SOS2: variants seen among roughly 807,000 people sequenced by gnomAD.
SOS2 encodes SOS Ras/Rho guanine nucleotide exchange factor 2, also known as son of sevenless homolog 2.
Under a neutral mutation model 148.2 loss-of-function variants are expected in SOS2, and 65 were observed. The ratio of observed to expected loss-of-function variants is 0.44; its 90% CI spans 0.36 to 0.54. The LOEUF is 0.54. Ranked by LOEUF, SOS2 falls within the 20% of genes least tolerant of loss-of-function variation. The probability of loss-of-function intolerance (pLI) is 0.00; values close to 1 mark genes in which losing one functional copy is unlikely to be tolerated. For synonymous variants in SOS2, 539 were observed against 537.1 expected, an observed-to-expected ratio of 1.00 and a Z score of -0.05; for missense variants, 1,341 against 1,590.2, an observed-to-expected ratio of 0.84 and a Z score of 2.67.
chr14:50,135,278 T>C (rs1884039027), intron 18 of SOS2, among the ~76,000 whole-genome samples: 1 of 151,736 alleles, frequency 6.6e-6, no homozygotes, highest in African/African-American at 2.4e-5. Flanking sequence ...CAGGGCAATA[T>C]GGTGAGACCT....
intron 8 of SOS2, among the ~76,000 whole-genome samples, chr14:50,168,306 C>T (rs906035980): frequency 6.6e-5 from 10 of 152,150 alleles, no homozygotes; most frequent in Non-Finnish European, 1.2e-4. Context: ...ATTACAGCCT[C>T]TAATTCCTGG....
At position 50,183,572 on chromosome 14, in the gene SOS2, T is replaced by C. The variant is rs551755814; in HGVS notation, c.715-966A>G. ...TAGTTTTTTTAAATCTAAAACCTCC[T>C]ACTGTGGATGATTCTAAGCTACTTT... On this transcript the variant is annotated intron_variant, in intron 5 of 22. Transcript: ENST00000216373. 1.1e-4 allele frequency among the ~76,000 whole-genome samples: 16 copies of C among 152,252 alleles called. No individual in the cohort carries two copies. In the South Asian group the frequency reaches 2.7e-3, roughly 26 times the overall value.
At position 50,231,181 on chromosome 14, in the gene SOS2, C is replaced by G; in HGVS notation, c.87+16G>C. The G allele has an allele frequency of 7.2e-7, 1 of 1,392,708 alleles. No homozygotes were observed. The highest frequency in any genetic ancestry group is 2.3e-5 in the Admixed American group (1 of 44,430). 86.3% of individuals were successfully genotyped at this position (1,392,708 alleles called of 1,614,324 possible). ...GCCACGGGCCACCCGCCGGCCGCCCCGCCCCTAGCACTGACCTTCCGCAGG... is the reference window on the plus strand; with the variant it reads ...GCCACGGGCCACCCGCCGGCCGCCCGGCCCCTAGCACTGACCTTCCGCAGG... On this transcript the variant is annotated intron_variant, in intron 1 of 22. Transcript: ENST00000216373.
intron 19 of SOS2, 147 bp downstream of exon 19, chr14:50,133,976 C>CT: frequency 7.9e-6 from 5 of 632,128 alleles, no homozygotes; most frequent in Non-Finnish European, 1.4e-5. Flanking sequence ...GACATTTCCC[C>CT]CCCCAGTTTT....
chr14:50,220,405 C>CAAAAAAAAAAAAA (rs367829144), intron 1 of SOS2, among the ~76,000 whole-genome samples: 6,523 of 29,932 alleles, frequency 0.22, 2,231 homozygotes, highest in Admixed American at 0.28. Context: ...GACTCCATCT[C>CAAAAAAAAAAAAA]AAAAAAAAAA....
intron 1 of SOS2, among the ~76,000 whole-genome samples, chr14:50,224,480 T>C (rs954824518): frequency 6.6e-6 from 1 of 151,704 alleles, no homozygotes; most frequent in African/African-American, 2.4e-5. Flanking sequence ...CCTGAAAGCT[T>C]GATATTCTTC....
intron 18 of SOS2, among the ~76,000 whole-genome samples, chr14:50,135,089 A>AAAAAAGAAAGAAAGAAAGAAAGAAAG (rs1555368583): frequency 7.6e-6 from 1 of 131,534 alleles, no homozygotes; most frequent in Non-Finnish European, 1.6e-5. Flanking sequence ...AAAAAAAAAA[A>AAAAAAGAAAGAAAGAAAGAAAGAAAG]AAAGAAAGAA....
intron 8 of SOS2, among the ~76,000 whole-genome samples, chr14:50,166,776 T>C (rs1391681255): frequency 6.6e-6 from 1 of 152,204 alleles, no homozygotes; most frequent in Non-Finnish European, 1.5e-5. Flanking sequence ...ATTATGAATT[T>C]GTCTCTAATT....
chr14:50,160,141 A>G, intron 9 of SOS2, 55 bp from the exon 10 acceptor site: 2 of 1,355,548 alleles, frequency 1.5e-6, no homozygotes, highest in Non-Finnish European at 2.0e-6. Flanking sequence ...AAATGGTTTC[A>G]AGCATAAACC....
chr14:50,123,044 T>A (rs532290777), intron 21 of SOS2, among the ~76,000 whole-genome samples: 35 of 152,206 alleles, frequency 2.3e-4, no homozygotes, highest in Non-Finnish European at 4.3e-4. Flanking sequence ...CTATAAATTA[T>A]GACAAGAAAT....
At chr14:50,144,923 G>C (rs1423407183) in intron 16 of SOS2, among the ~76,000 whole-genome samples, 2 of 151,960 alleles carry the variant, frequency 1.3e-5, no homozygotes, top group Admixed American at 6.6e-5. Context: ...ACACGGCAGT[G>C]CAAGTCTCAT....
intron 2 of SOS2, among the ~76,000 whole-genome samples, chr14:50,203,140 A>T (rs1329564342): frequency 1.2e-4 from 18 of 152,174 alleles, no homozygotes; most frequent in Admixed American, 1.0e-3. Flanking sequence ...AGAAAGAAAG[A>T]AAGTTGTTGC....
At chr14:50,169,575 G>A (rs1469166651) in intron 8 of SOS2, among the ~76,000 whole-genome samples, 1 of 152,020 alleles carries the variant, frequency 6.6e-6, no homozygotes, top group Non-Finnish European at 1.5e-5. Context: ...GGGAGGCAGA[G>A]GTTGCAGTGA....
rs769463448 is a variant in SOS2 at position 50,231,181 on chromosome 14, C to A, written c.87+16G>T. 1 of 1,392,706 alleles carries A rather than the reference C, an allele frequency of 7.2e-7. No individual in the cohort carries two copies. Among genetic ancestry groups the A allele is most frequent in the Non-Finnish European group, 9.5e-7 (1 of 1,048,866 alleles). The allele number at this position is 1,392,706 out of a possible 1,614,324, so 86.3% of individuals were successfully genotyped here. A position where few individuals can be genotyped will look rare whatever the true frequency, so the allele number is the denominator to read the frequency against. ...GCCACGGGCCACCCGCCGGCCGCCC[C>A]GCCCCTAGCACTGACCTTCCGCAGG... On this transcript the variant is annotated intron_variant, in intron 1 of 22. Coordinates refer to ENST00000216373, the MANE Select transcript of SOS2 (RefSeq NM_006939.4).
chr14:50,159,828 T>C lies in SOS2; in HGVS notation c.1455A>G (p.Glu485=). The C allele has an allele frequency of 6.2e-7, 1 of 1,614,176 alleles. No homozygotes were observed. Among genetic ancestry groups the C allele is most frequent in the Admixed American group, 1.7e-5 (1 of 60,024 alleles). The change falls in exon 10 of 23, where the codon GAA becomes GAG. Residue 485 remains glutamate (E), a synonymous_variant. Transcript: ENST00000216373. ...TGACAAATTTTTCTTTTAACCTGTA[T>C]TCTGCACTACTGTAACCTGGAAGCC... ...QTRLPGYSSA[E]YRLKEKFVMR...
At chr14:50,227,246 T>C (rs1887406480) in intron 1 of SOS2, among the ~76,000 whole-genome samples, 1 of 138,854 alleles carries the variant, frequency 7.2e-6, no homozygotes, top group African/African-American at 2.8e-5. Flanking sequence ...TTTCTTTCTT[T>C]CTTTTTTTTT....
chr14:50,183,010 A>G (rs575015368), intron 5 of SOS2, among the ~76,000 whole-genome samples: 4 of 152,366 alleles, frequency 2.6e-5, no homozygotes, highest in Non-Finnish European at 4.4e-5. Flanking sequence ...AACAATTCAT[A>G]TATTATATAA....
chr14:50,177,688 A>G (rs1360410622), intron 7 of SOS2, among the ~76,000 whole-genome samples: 2 of 152,190 alleles, frequency 1.3e-5, no homozygotes, highest in African/African-American at 4.8e-5. Context: ...CCTCTCTTGA[A>G]GTAATTTTGA....
rs146264066 is a variant in SOS2, at chr14:50,143,923, T to C, written c.2667+1247A>G. ...ATCCTCCTGTCTCTGCCTCCCAAAG[T>C]GTTGGGATTACAGGTGAGAGCCCCC... On this transcript the variant is annotated intron_variant, in intron 16 of 22. Coordinates refer to ENST00000216373, the MANE Select transcript of SOS2 (RefSeq NM_006939.4). Among the ~76,000 whole-genome samples the C allele has an allele frequency of 5.6e-3, 851 of 150,804 alleles. 5 individuals carry two copies. The highest frequency in any genetic ancestry group is 0.027 in the Middle Eastern group (8 of 292).
Sources: gnomAD v4.1 joint callset for allele counts (sites outside exome capture counted in the v4.1 genomes callset) on GRCh38, gnomAD v4.1.1 for gene constraint, MANE v1.5 for transcripts, NCBI Gene and HGNC (gene_info 2026-07-23, HGNC 2026-07-21) for gene names.